CEP112: variants seen among roughly 807,000 people sequenced by gnomAD.
CEP112 encodes centrosomal protein 112.
Under a neutral mutation model 153.0 loss-of-function variants are expected in CEP112, and 127 were observed. The observed-to-expected ratio is 0.83, with a 90% confidence interval of 0.72 to 0.96. CEP112 has a LOEUF of 0.96. CEP112 is among the 40% of genes least tolerant of loss of function. The pLI, the probability that CEP112 is intolerant of heterozygous loss-of-function variation, is 0.00. For synonymous variants in CEP112, 358 were observed against 374.4 expected (o/e 0.96, Z 0.51); for missense variants, 1,089 against 1,101.2 (o/e 0.99, Z 0.16).
chr17:65,803,794 T>A (rs935730575), intron 21 of CEP112, among the ~76,000 whole-genome samples: 1 of 152,238 alleles, frequency 6.6e-6, no homozygotes, highest in Non-Finnish European at 1.5e-5. Context: ...TTTGCTAAAT[T>A]AAATGTCTTA....
intron 6 of CEP112, among the ~76,000 whole-genome samples, chr17:66,109,464 A>G (rs1163550069): frequency 2.0e-5 from 3 of 152,150 alleles, no homozygotes; most frequent in African/African-American, 7.2e-5. Context: ...CTTAAAGTAT[A>G]ATAATAAAAA....
intron 16 of CEP112, among the ~76,000 whole-genome samples, chr17:66,009,955 G>A (rs1425082555): frequency 6.6e-6 from 1 of 152,078 alleles, no homozygotes. Context: ...CTCTTTTTTG[G>A]TTCTATATGA....
intron 8 of CEP112, among the ~76,000 whole-genome samples, chr17:66,090,514 C>T (rs984736598): frequency 6.6e-6 from 1 of 151,918 alleles, no homozygotes; most frequent in East Asian, 1.9e-4. Context: ...ATGTAAGCCT[C>T]GTAGTAATCA....
intron 23 of CEP112, among the ~76,000 whole-genome samples, chr17:65,724,587 T>A (rs2050072432): frequency 1.3e-5 from 2 of 152,228 alleles, no homozygotes. Flanking sequence ...TATACTTATA[T>A]ATGCATATAT....
At chr17:66,168,322 C>T (rs1334043805) in intron 4 of CEP112, among the ~76,000 whole-genome samples, 1 of 151,774 alleles carries the variant, frequency 6.6e-6, no homozygotes, top group African/African-American at 2.4e-5. Context: ...CGGAAGCTTC[C>T]TATACTTTAT....
intron 23 of CEP112, among the ~76,000 whole-genome samples, chr17:65,702,073 G>T (rs2048669353): frequency 6.6e-6 from 1 of 151,782 alleles, no homozygotes; most frequent in African/African-American, 2.4e-5. Flanking sequence ...ATGGAGTTTT[G>T]CCATGTTGGC....
intron 17 of CEP112, among the ~76,000 whole-genome samples, chr17:65,988,240 A>G (rs2063474388): frequency 6.6e-6 from 1 of 152,196 alleles, no homozygotes; most frequent in Admixed American, 6.5e-5. Context: ...ATCTAGCGAG[A>G]TAAGAAAGAA....
intron 17 of CEP112, among the ~76,000 whole-genome samples, chr17:65,963,602 CTT>C (rs35496298): frequency 0.48 from 72,697 of 151,664 alleles, 18,393 homozygotes; most frequent in East Asian, 0.89. Context: ...GCAAGACTCT[CTT>C]GTCCCTTTAC....
chr17:66,022,998 C>T (rs2065061657), intron 16 of CEP112, among the ~76,000 whole-genome samples: 1 of 151,762 alleles, frequency 6.6e-6, no homozygotes. Flanking sequence ...TGAATTAATC[C>T]AGTTAAACAA....
At chr17:65,826,662 A>G (rs934497776) in intron 21 of CEP112, 3 of 589,068 alleles carry the variant, frequency 5.1e-6, no homozygotes, top group Admixed American at 5.0e-5. Context: ...CAGTATGACG[A>G]AAGGTTGACT....
At chr17:66,145,530 T>C (rs996902614) in intron 4 of CEP112, among the ~76,000 whole-genome samples, 3 of 152,286 alleles carry the variant, frequency 2.0e-5, no homozygotes, top group South Asian at 2.1e-4. Context: ...CTATAACTCA[T>C]TTCAGTTTTT....
At chr17:65,670,088 A>G (rs2046908837) in intron 24 of CEP112, among the ~76,000 whole-genome samples, 1 of 152,004 alleles carries the variant, frequency 6.6e-6, no homozygotes, top group South Asian at 2.1e-4. Context: ...TGTTTGCTGA[A>G]TAAGTGCCTT....
chr17:65,877,719 A>G (rs2058888009), intron 20 of CEP112, among the ~76,000 whole-genome samples: 1 of 152,254 alleles, frequency 6.6e-6, no homozygotes, highest in African/African-American at 2.4e-5. Flanking sequence ...ACTGCAAAGG[A>G]AAATGGTAGG....
intron 21 of CEP112, among the ~76,000 whole-genome samples, chr17:65,809,765 G>C (rs2055834365): frequency 6.6e-6 from 1 of 152,054 alleles, no homozygotes; most frequent in South Asian, 2.1e-4. Context: ...ACTAGGACTA[G>C]AGATACAAAC....
chr17:66,131,940 G>A (rs896023183), intron 5 of CEP112, among the ~76,000 whole-genome samples: 10 of 151,716 alleles, frequency 6.6e-5, no homozygotes, highest in African/African-American at 1.7e-4. Context: ...AGGCTGTGGC[G>A]GGTGGATCAC....
intron 21 of CEP112, among the ~76,000 whole-genome samples, chr17:65,847,677 A>G (rs1044083833): frequency 3.3e-5 from 5 of 152,216 alleles, no homozygotes; most frequent in Non-Finnish European, 7.3e-5. Flanking sequence ...TCCTGCTAAC[A>G]GAGCTTATGT....
chr17:66,150,142 C>T (rs1471679146), intron 4 of CEP112, among the ~76,000 whole-genome samples: 6 of 149,048 alleles, frequency 4.0e-5, no homozygotes, highest in South Asian at 2.1e-4. Context: ...CCTCATGATC[C>T]GCCCACCTCG....
intron 21 of CEP112, among the ~76,000 whole-genome samples, chr17:65,766,323 A>G (rs1447073266): frequency 7.0e-6 from 1 of 143,522 alleles, no homozygotes; most frequent in African/African-American, 2.5e-5. Flanking sequence ...ATAGTCAATT[A>G]TTATATAACT....
At chr17:65,664,742 TCCCCA>T (rs1376026293) in intron 24 of CEP112, among the ~76,000 whole-genome samples, 1 of 152,248 alleles carries the variant, frequency 6.6e-6, no homozygotes, top group African/African-American at 2.4e-5. Context: ...GGACACAGCA[TCCCCA>T]CTGAACTATC....
Sources: gnomAD v4.1 joint callset for allele counts (sites outside exome capture counted in the v4.1 genomes callset) on GRCh38, gnomAD v4.1.1 for gene constraint, MANE v1.5 for transcripts, NCBI Gene and HGNC (gene_info 2026-07-23, HGNC 2026-07-21) for gene names.